SLC14A2: variants seen among roughly 807,000 people sequenced by gnomAD.
SLC14A2 encodes the protein solute carrier family 14 member 2, also known as urea transporter 2.
Under a neutral mutation model 104.6 loss-of-function variants are expected in SLC14A2, and 91 were observed. That is an observed-to-expected ratio of 0.87 (90% CI 0.73 to 1.04). The LOEUF is 1.04. Ranked by LOEUF, SLC14A2 falls within the 50% of genes least tolerant of loss-of-function variation. SLC14A2 has a pLI of 0.00. For missense variants in SLC14A2, 1,189 were observed against 1,156.0 expected, an observed-to-expected ratio of 1.03 and a Z score of -0.41; for synonymous variants, 476 against 466.4, an observed-to-expected ratio of 1.02 and a Z score of -0.27.
At chr18:45,379,493 G>C (rs193188927) in intron 1 of SLC14A2, among the ~76,000 whole-genome samples, 1 of 152,182 alleles carries the variant, frequency 6.6e-6, no homozygotes, top group Admixed American at 6.5e-5. Flanking sequence ...CCTTCGACCT[G>C]GTTTCAGAAC....
chr18:45,636,343 A>G (rs1482562074), intron 5 of SLC14A2, among the ~76,000 whole-genome samples: 2 of 152,172 alleles, frequency 1.3e-5, no homozygotes, highest in Non-Finnish European at 2.9e-5. Context: ...ATTACCTAAC[A>G]TTGTTCCTTC....
chr18:45,619,615 G>A (rs776251741), intron 1 of SLC14A2, among the ~76,000 whole-genome samples: 1 of 152,184 alleles, frequency 6.6e-6, no homozygotes, highest in Non-Finnish European at 1.5e-5. Flanking sequence ...GTCTGAGTGC[G>A]CCAAGCAGAT....
the SLC14A2 span, among the ~76,000 whole-genome samples, chr18:45,177,330 G>A: frequency 6.6e-6 from 1 of 152,102 alleles, no homozygotes; most frequent in African/African-American, 2.4e-5. Context: ...ACCAATTCTA[G>A]CATATCAATC....
chr18:45,227,936 GA>G (rs954352054), intron 1 of SLC14A2, among the ~76,000 whole-genome samples: 3 of 151,902 alleles, frequency 2.0e-5, no homozygotes, highest in Non-Finnish European at 4.4e-5. Flanking sequence ...TTCATTGCAG[GA>G]AAAAAAGGTT....
At chr18:45,664,034 A>G in intron 11 of SLC14A2, 127 bp downstream of exon 11, 1 of 981,452 alleles carries the variant, frequency 1.0e-6, no homozygotes. Flanking sequence ...GACCTCTCAC[A>G]CCTGACGTCT....
chr18:45,602,286 G>C (rs750168552), intron 2 of SLC14A2, among the ~76,000 whole-genome samples: 6 of 152,204 alleles, frequency 3.9e-5, no homozygotes, highest in Non-Finnish European at 7.4e-5. Context: ...CTTGGAGAGG[G>C]TTAGTGAGCA....
intron 1 of SLC14A2, among the ~76,000 whole-genome samples, chr18:45,472,338 C>T (rs756212480): frequency 1.2e-4 from 18 of 152,112 alleles, no homozygotes; most frequent in Non-Finnish European, 2.6e-4. Flanking sequence ...AGTAAATACA[C>T]GTATGCATAT....
chr18:45,339,804 A>C (rs541004153), intron 1 of SLC14A2, among the ~76,000 whole-genome samples: 10 of 152,348 alleles, frequency 6.6e-5, no homozygotes, highest in African/African-American at 2.2e-4. Flanking sequence ...GGGTAGGGTG[A>C]CCATATAATT....
At chr18:45,505,052 A>G (rs753686333) in intron 2 of SLC14A2, among the ~76,000 whole-genome samples, 1 of 152,078 alleles carries the variant, frequency 6.6e-6, no homozygotes, top group Non-Finnish European at 1.5e-5. Flanking sequence ...AAAGAAAGAG[A>G]GTTAGGAAAA....
At chr18:45,300,065 C>T (rs927415047) in intron 1 of SLC14A2, among the ~76,000 whole-genome samples, 3 of 152,002 alleles carry the variant, frequency 2.0e-5, no homozygotes, top group African/African-American at 4.8e-5. Flanking sequence ...CTTAAGTGTC[C>T]GTCTCAGGGC....
intron 1 of SLC14A2, among the ~76,000 whole-genome samples, chr18:45,455,664 A>AAGT (rs1282309895): frequency 2.3e-5 from 2 of 88,310 alleles, no homozygotes; most frequent in East Asian, 4.7e-4. Flanking sequence ...TAATAAAGTA[A>AAGT]AAAAAAAATC....
At chr18:45,255,871 C>T (rs529329811) in intron 1 of SLC14A2, among the ~76,000 whole-genome samples, 30 of 152,282 alleles carry the variant, frequency 2.0e-4, no homozygotes, top group South Asian at 8.3e-4. Context: ...GCAGCTCCTC[C>T]GCCCTTTACC....
rs151107710 is a variant in SLC14A2, at chr18:45,243,016, T to G, written c.-125+29825T>G. Among the ~76,000 whole-genome samples the G allele has an allele frequency of 5.7e-3, 874 of 152,330 alleles. 4 individuals carry two copies. Among genetic ancestry groups the G allele is most frequent in the Middle Eastern group, 0.034 (10 of 294 alleles). On this transcript the variant is annotated intron_variant, in intron 1 of 20. Coordinates refer to the SLC14A2 transcript ENST00000586448. ...TTAAACCTTTTTGTACTGAGCTCCT[T>G]GTATAAGTATCATAGGATTGAAAAA...
At chr18:45,447,836 C>T (rs897038109) in intron 1 of SLC14A2, among the ~76,000 whole-genome samples, 7 of 152,180 alleles carry the variant, frequency 4.6e-5, no homozygotes, top group Non-Finnish European at 2.9e-5. Context: ...TTTAGTGGTA[C>T]TGGCAGTGCA....
chr18:45,458,934 T>C (rs535337643), intron 1 of SLC14A2, among the ~76,000 whole-genome samples: 25 of 152,280 alleles, frequency 1.6e-4, no homozygotes, highest in African/African-American at 4.3e-4. Context: ...AGCTATACTT[T>C]GGAGGTAAAA....
intron 1 of SLC14A2, among the ~76,000 whole-genome samples, chr18:45,275,847 A>G (rs1419776654): frequency 1.3e-5 from 2 of 152,246 alleles, no homozygotes; most frequent in Non-Finnish European, 2.9e-5. Flanking sequence ...GAGATAGATA[A>G]CTTTTTTAAA....
the SLC14A2 span, among the ~76,000 whole-genome samples, chr18:45,179,668 T>C: frequency 0.12 from 18,860 of 152,080 alleles, 1,443 homozygotes; most frequent in Middle Eastern, 0.22. Context: ...AAGAATATTC[T>C]CCAGGTGAAC....
At chr18:45,466,725 A>G (rs1159009334) in intron 1 of SLC14A2, among the ~76,000 whole-genome samples, 1 of 151,620 alleles carries the variant, frequency 6.6e-6, no homozygotes, top group African/African-American at 2.4e-5. Context: ...TAAAAGAGAG[A>G]GTTAAATTCG....
chr18:45,584,632 A>G (rs150017699), intron 2 of SLC14A2, among the ~76,000 whole-genome samples: 1,526 of 152,294 alleles, frequency 0.01, 32 homozygotes, highest in African/African-American at 0.035. Context: ...AGGAGCCTCA[A>G]GGTGGCGAAT....
Sources: gnomAD v4.1 joint callset for allele counts (sites outside exome capture counted in the v4.1 genomes callset) on GRCh38, gnomAD v4.1.1 for gene constraint, MANE v1.5 for transcripts, NCBI Gene and HGNC (gene_info 2026-07-23, HGNC 2026-07-21) for gene names.